The following ZMYM2 variants were observed in gnomAD, a reference collection of about 807,000 sequenced individuals.
ZMYM2 encodes the protein zinc finger MYM-type protein 2.
In ZMYM2, 56 loss-of-function variants were observed where a neutral mutation model predicts 162.8. The observed-to-expected ratio is 0.34, with a 90% CI of 0.28 to 0.43. The LOEUF (loss-of-function observed/expected upper bound fraction) is 0.43, where lower values mean the gene tolerates loss of function less well. Ranked by LOEUF, ZMYM2 falls within the 20% of genes least tolerant of loss-of-function variation. The pLI, the probability that ZMYM2 is intolerant of heterozygous loss-of-function variation, is 1.00. For synonymous variants in ZMYM2, 510 were observed against 541.6 expected (o/e 0.94, Z 0.81); for missense variants, 1,275 against 1,621.8 (o/e 0.79, Z 3.67).
chr13:19,925,211 T>G, the ZMYM2 span, among the ~76,000 whole-genome samples: 4 of 152,226 alleles, frequency 2.6e-5, no homozygotes, highest in Admixed American at 6.5e-5. Context: ...TACTGTTTTC[T>G]ATAGTGGCTG....
At chr13:20,007,979 T>C (rs533352537) in intron 6 of ZMYM2, among the ~76,000 whole-genome samples, 1 of 152,274 alleles carries the variant, frequency 6.6e-6, no homozygotes, top group African/African-American at 2.4e-5. Context: ...GTTTTGTTTT[T>C]TGTGGTTTCA....
At chr13:20,005,677 G>GT (rs1566275252) in intron 5 of ZMYM2, among the ~76,000 whole-genome samples, 1 of 152,108 alleles carries the variant, frequency 6.6e-6, no homozygotes, top group Admixed American at 6.5e-5. Context: ...AAAGTAATCT[G>GT]TTTATATATA....
At chr13:19,952,418 ATAAG>A in the ZMYM2 span, among the ~76,000 whole-genome samples, 2 of 152,236 alleles carry the variant, frequency 1.3e-5, no homozygotes, top group African/African-American at 4.8e-5. Flanking sequence ...ACAAAAAATA[ATAAG>A]TATGTGAGGT....
chr13:19,967,714 GT>G (rs1955928038), intron 2 of ZMYM2, among the ~76,000 whole-genome samples: 1 of 152,208 alleles, frequency 6.6e-6, no homozygotes, highest in South Asian at 2.1e-4. Flanking sequence ...AATGAGTATG[GT>G]AATGCCTGGT....
chr13:20,068,955 T>G (rs1170123061), intron 21 of ZMYM2, among the ~76,000 whole-genome samples: 7 of 152,058 alleles, frequency 4.6e-5, no homozygotes, highest in Admixed American at 4.6e-4. Flanking sequence ...TAAAAACATA[T>G]TTAGATAATA....
At chr13:20,022,234 C>G (rs1163522130) in intron 7 of ZMYM2, among the ~76,000 whole-genome samples, 1 of 152,108 alleles carries the variant, frequency 6.6e-6, no homozygotes, top group Non-Finnish European at 1.5e-5. Context: ...AAATAGTTCC[C>G]TAGTTTTTGT....
In ZMYM2 at chr13:20,034,214, T is replaced by TTTTCTTGAG. The variant is rs11272380; in HGVS notation, c.1969-40_1969-39insTTTCTTGAG. On this transcript the variant is annotated intron_variant, in intron 10 of 24. Transcript: ENST00000610343. ...AAGTGGCGTGTTTATTTCTTAAGCT[T>TTTTCTTGAG]GTCGTCATATACTTACCAAGGTTCC... 2 of 1,428,342 alleles carry TTTTCTTGAG rather than the reference T, an allele frequency of 1.4e-6. 1 individual carries two copies. Among genetic ancestry groups the TTTTCTTGAG allele is most frequent in the Non-Finnish European group, 1.8e-6 (2 of 1,085,864 alleles). The allele number at this position is 1,428,342 out of a possible 1,614,324, so 88.5% of individuals were successfully genotyped here. A position where few individuals can be genotyped will look rare whatever the true frequency, so the allele number is the denominator to read the frequency against.
the ZMYM2 span, among the ~76,000 whole-genome samples, chr13:19,937,433 C>T: frequency 2.0e-5 from 3 of 149,238 alleles, no homozygotes; most frequent in Non-Finnish European, 4.4e-5. Flanking sequence ...CCACTGCGCC[C>T]GGCCTACCGG....
intron 2 of ZMYM2, among the ~76,000 whole-genome samples, chr13:19,978,424 T>C (rs553255309): frequency 6.7e-6 from 1 of 148,780 alleles, no homozygotes; most frequent in Non-Finnish European, 1.5e-5. Context: ...GTTTTTTGGG[T>C]TTTTTTTTTG....
At chr13:19,949,849 T>C in the ZMYM2 span, among the ~76,000 whole-genome samples, 1 of 133,486 alleles carries the variant, frequency 7.5e-6, no homozygotes. Context: ...ATCACGCCAC[T>C]GCACTCAAGC....
At chr13:20,050,002 G>T (rs987512688) in intron 12 of ZMYM2, among the ~76,000 whole-genome samples, 2 of 151,958 alleles carry the variant, frequency 1.3e-5, no homozygotes, top group South Asian at 4.1e-4. Context: ...AGTCTCGCTG[G>T]TGAGAATTTA....
At chr13:19,960,329 G>C (rs963285141) in intron 2 of ZMYM2, among the ~76,000 whole-genome samples, 12 of 152,158 alleles carry the variant, frequency 7.9e-5, no homozygotes, top group African/African-American at 2.2e-4. Context: ...GCATATTTCT[G>C]GTGCCCTCTA....
chr13:19,904,355 G>T, the ZMYM2 span, among the ~76,000 whole-genome samples: 1 of 151,982 alleles, frequency 6.6e-6, no homozygotes, highest in African/African-American at 2.4e-5. Flanking sequence ...TCCGGAGTTC[G>T]CGACCAGCCT....
rs906008114 is a variant in ZMYM2 at position 20,076,859 on chromosome 13, C to T, written c.3454-5157C>T. Among the ~76,000 whole-genome samples the T allele has an allele frequency of 3.3e-5, 5 of 149,784 alleles. 1 individual carries two copies. The highest frequency in any genetic ancestry group is 1.0e-4 in the African/African-American group (4 of 39,384). ...TTATTTTATTTTATTTTTTTTGAGACGGAGTTTCACTCTGTCACCCAGGCT... is the reference window on the plus strand; with the variant it reads ...TTATTTTATTTTATTTTTTTTGAGATGGAGTTTCACTCTGTCACCCAGGCT... On this transcript the variant is annotated intron_variant, in intron 21 of 24. Coordinates refer to ENST00000610343, the MANE Select transcript of ZMYM2 (RefSeq NM_197968.4).
At chr13:20,055,486 GTTGATGATT>G (rs1955719592) in intron 14 of ZMYM2, among the ~76,000 whole-genome samples, 1 of 152,118 alleles carries the variant, frequency 6.6e-6, no homozygotes, top group Non-Finnish European at 1.5e-5. Flanking sequence ...TGTGTTTTCT[GTTGATGATT>G]TTTGTTGTTT....
rs116892786 is a variant in ZMYM2, at chr13:20,028,882, T to C, written c.1851+1564T>C. ...TATGTAGGACCGACTGTACTTAATT[T>C]AGGCTCTTACTTTGAGGAATACATC... On this transcript the variant is annotated intron_variant, in intron 9 of 24. Coordinates refer to ENST00000610343, the MANE Select transcript of ZMYM2 (RefSeq NM_197968.4). 6.6e-5 allele frequency among the ~76,000 whole-genome samples: 10 copies of C among 152,194 alleles called. No individual in the cohort carries two copies. The East Asian group carries it at 1.9e-3, about 29-fold the overall frequency.
chr13:20,060,691 G>T (rs1383628139), intron 16 of ZMYM2, among the ~76,000 whole-genome samples: 4 of 151,002 alleles, frequency 2.6e-5, no homozygotes, highest in East Asian at 1.9e-4. Context: ...AAAAAAAAAA[G>T]AAAAATATTT....
chr13:19,867,221 C>CGG, the ZMYM2 span, among the ~76,000 whole-genome samples: 6 of 151,968 alleles, frequency 3.9e-5, no homozygotes, highest in African/African-American at 1.2e-4. Context: ...GGCGTGGTGG[C>CGG]ACATGCCTGT....
chr13:19,919,011 A>G, the ZMYM2 span, among the ~76,000 whole-genome samples: 7 of 151,790 alleles, frequency 4.6e-5, no homozygotes, highest in Admixed American at 3.9e-4. Context: ...TTATAGTCAC[A>G]CTCACTCCTC....
Sources: gnomAD v4.1 joint callset for allele counts (sites outside exome capture counted in the v4.1 genomes callset) on GRCh38, gnomAD v4.1.1 for gene constraint, MANE v1.5 for transcripts, NCBI Gene and HGNC (gene_info 2026-07-23, HGNC 2026-07-21) for gene names.